The following MAP7D3 variants were observed in gnomAD, a reference collection of about 807,000 sequenced individuals.
MAP7D3 encodes the protein MAP7 domain-containing protein 3.
A neutral mutation model predicts 62.2 loss-of-function variants in MAP7D3; 45 were observed. The ratio of observed to expected loss-of-function variants is 0.72; its 90% confidence interval spans 0.57 to 0.93. The LOEUF (loss-of-function observed/expected upper bound fraction) is 0.93, where lower values mean the gene tolerates loss of function less well. Among genes scored for constraint, MAP7D3 ranks in the 40% least tolerant of loss-of-function variants. The pLI is 0.00. For synonymous variants in MAP7D3, 288 were observed against 248.8 expected (o/e 1.16, Z -1.48); for missense variants, 711 against 683.1 (o/e 1.04, Z -0.45).
intron 14 of MAP7D3, among the ~76,000 whole-genome samples, chrX:136,224,435 T>C (rs2074169808): frequency 9.7e-6 from 1 of 103,081 alleles, no homozygotes; most frequent in Non-Finnish European, 2.0e-5. Context: ...GCGTTTGAGG[T>C]GATGGATTTG....
chrX:136,246,814 G>A (rs1375557713), intron 1 of MAP7D3, among the ~76,000 whole-genome samples: 9 of 112,140 alleles, frequency 8.0e-5, no homozygotes, highest in African/African-American at 2.6e-4. Context: ...AATACTCAGT[G>A]AAAGATCAGG....
At position 136,236,244 on chromosome X, in the gene MAP7D3, C is replaced by T. The variant is rs865912308; in HGVS notation, c.736G>A (p.Val246Ile). The change falls in exon 7 of 19, where the codon GTT (valine) becomes ATT (isoleucine). Residue 246 changes from valine to isoleucine, a missense_variant and splice_region_variant. Physicochemically the swap from Val to Ile is conservative, Grantham distance 29 (BLOSUM62 3). Transcript: ENST00000316077. ...AAATTTGTATTTAGAAGTAACTAAC[C>T]ACGTGGCTTCCTTTCGGCTTGTTCT... ...DKEQAERKPR[V>I]TGVTNYVMQY... 7.9e-6 allele frequency: 9 copies of T among 1,134,600 alleles called. No individual in the cohort carries two copies. The African/African-American group carries it at 1.4e-4, about 18-fold the overall frequency. The allele number at this position is 1,134,600 out of a possible 1,213,427, so 93.5% of individuals were successfully genotyped here.
intron 11 of MAP7D3, among the ~76,000 whole-genome samples, chrX:136,228,027 T>C (rs956131857): frequency 2.7e-5 from 3 of 111,764 alleles, no homozygotes; most frequent in African/African-American, 9.8e-5. Flanking sequence ...CTGCAGCCAG[T>C]GGACAGAGGT....
At position 136,232,156 on chromosome X, in the gene MAP7D3, G is replaced by A. The variant is rs762828164; in HGVS notation, c.801C>T (p.Asp267=). ...TGGGAAACATAACAGCCCTCAATTC[G>A]TCGCTAGTACATTTACGCAAGGGTA... ...VTVPLRKCTS[D]ELRAVMFPMS... Residue 267 remains aspartate (D), a synonymous_variant, in exon 8 of 19, where the codon GAC becomes GAT. Transcript: ENST00000316077. 13 of 1,207,990 alleles carry A rather than the reference G, an allele frequency of 1.1e-5. No homozygotes were observed. The highest frequency in any genetic ancestry group is 4.3e-5 in the Admixed American group (2 of 46,032).
At position 136,230,586 on chromosome X, in the gene MAP7D3, T is replaced by A; in HGVS notation, c.1549A>T (p.Ile517Phe). 8.5e-7 allele frequency: 1 copy of A among 1,171,008 alleles called. No individual in the cohort carries two copies. The highest frequency in any genetic ancestry group is 3.0e-5 in the East Asian group (1 of 33,659). ...LPSPISTNRQ[I>F]QKNCPPSPLP... Reference sequence around the variant, plus strand: ...GGTGATGGAGGGCAGTTCTTTTGGATTTGCCTGCTGAGAAAAAGTAATACA... The same window carrying A: ...GGTGATGGAGGGCAGTTCTTTTGGAATTGCCTGCTGAGAAAAAGTAATACA... The change falls in exon 10 of 19, where the codon ATC (isoleucine) becomes TTC (phenylalanine). Residue 517 changes from isoleucine (I) to phenylalanine (F), a missense_variant. Coordinates refer to ENST00000316077, the MANE Select transcript of MAP7D3 (RefSeq NM_024597.4).
rs963140818 is a variant in MAP7D3, at chrX:136,222,427, G to A, written c.2253C>T (p.Ser751=). ...ACATTTCATTCAATGAGTCCTTGTC[G>A]CTTTCTTCGTTGTCAGCCTCAGCCT... ...YEEAEADNEE[S]DKDSLNEMFP... Residue 751 remains serine, a synonymous_variant, in exon 15 of 19, where the codon AGC becomes AGT. Coordinates refer to ENST00000316077, the MANE Select transcript of MAP7D3 (RefSeq NM_024597.4). 4.1e-6 allele frequency: 5 copies of A among 1,209,323 alleles called. No homozygotes were observed. The highest frequency in any genetic ancestry group is 5.6e-6 in the Non-Finnish European group (5 of 893,541).
intron 10 of MAP7D3, among the ~76,000 whole-genome samples, chrX:136,229,991 ATATTT>A (rs1196198431): frequency 1.4e-4 from 7 of 50,927 alleles, no homozygotes; most frequent in Middle Eastern, 0.016. Context: ...ATATATATAT[ATATTT>A]TTTTTTTTTT....
rs776340570 is a variant in MAP7D3 at position 136,240,272 on chromosome X, T to A, written c.640+110A>T. 12 of 505,996 alleles carry A rather than the reference T, an allele frequency of 2.4e-5. No individual in the cohort carries two copies. In the East Asian group the frequency reaches 3.6e-4, roughly 15 times the overall value. The allele number at this position is 505,996 out of a possible 1,213,427, so 41.7% of individuals were successfully genotyped here. On this transcript the variant is annotated intron_variant, in intron 6 of 18. Coordinates refer to ENST00000316077, the MANE Select transcript of MAP7D3 (RefSeq NM_024597.4). ...CTGCTGTAAAATAACATGGGACTCTTCTGAAATAAACATAAATGTTCCACA... is the reference window on the plus strand; with the variant it reads ...CTGCTGTAAAATAACATGGGACTCTACTGAAATAAACATAAATGTTCCACA...
chrX:136,246,609 A>G (rs956858419), intron 1 of MAP7D3, among the ~76,000 whole-genome samples: 11 of 112,277 alleles, frequency 9.8e-5, no homozygotes, highest in African/African-American at 2.9e-4. Flanking sequence ...CGGTGGCAGC[A>G]TAAGTTTGTG....
chrX:136,251,230 C>T (rs1603284955), intron 1 of MAP7D3, 59 bp downstream of exon 1: 3 of 1,012,877 alleles, frequency 3.0e-6, no homozygotes, highest in Non-Finnish European at 4.0e-6. Context: ...CCGGGGACTG[C>T]GGGAACCCTG....
At chrX:136,240,515 T>C (rs370063263) in intron 5 of MAP7D3, 29 bp from the exon 6 acceptor site, 9 of 942,690 alleles carry the variant, frequency 9.5e-6, no homozygotes, top group Non-Finnish European at 1.2e-5. Context: ...CTTACTGTAA[T>C]CATATTTCAA....
At chrX:136,255,631 C>T (rs947804216), upstream of MAP7D3, among the ~76,000 whole-genome samples, 1 of 110,656 alleles carries the variant, frequency 9.0e-6, no homozygotes, top group African/African-American at 3.3e-5. Context: ...CGAGACTGTA[C>T]ATTTCTGAGA....
intron 13 of MAP7D3, among the ~76,000 whole-genome samples, chrX:136,225,529 G>A (rs1258491687): frequency 8.9e-6 from 1 of 111,992 alleles, no homozygotes; most frequent in African/African-American, 3.2e-5. Flanking sequence ...GCCTCTCAAA[G>A]AGGCCTACAG....
chrX:136,241,201 G>T lies in MAP7D3; in HGVS notation c.494C>A (p.Ser165Ter). 8.4e-7 allele frequency: 1 copy of T among 1,190,884 alleles called. No individual in the cohort carries two copies. Among genetic ancestry groups the T allele is most frequent in the South Asian group, 1.8e-5 (1 of 55,165 alleles). ...LADDYQQKRWSWGGSAMANSE... is the reference protein window; with the variant it reads ...LADDYQQKRW ...ATTCGCCATTGCAGAGCCTCCCCAT[G>T]ACCATCTTTTTTGCTGATAATCATC... The change falls in exon 5 of 19, where the codon TCA (serine) becomes TAA (stop). Residue 165 changes from serine to a stop codon, truncating the protein, a stop_gained. Transcript: ENST00000316077. LOFTEE classifies it high-confidence loss of function.
At chrX:136,247,127 A>C (rs2074456717) in intron 1 of MAP7D3, among the ~76,000 whole-genome samples, 1 of 112,831 alleles carries the variant, frequency 8.9e-6, no homozygotes, top group South Asian at 3.6e-4. Flanking sequence ...ACAAACGTGT[A>C]AACAGGCAGA....
chrX:136,256,254 C>T (rs2074550797), upstream of MAP7D3: 1 of 1,151,026 alleles, frequency 8.7e-7, no homozygotes, highest in Non-Finnish European at 1.1e-6. Context: ...TCACATTTTC[C>T]TTCCTTTTCC....
At chrX:136,219,188 A>C (rs2074094934) in intron 18 of MAP7D3, among the ~76,000 whole-genome samples, 1 of 112,161 alleles carries the variant, frequency 8.9e-6, no homozygotes, top group Admixed American at 9.4e-5. Context: ...AATGTGGTAC[A>C]TAAAAATTAG....
chrX:136,229,993 A>ATATATATAT (rs1210531192), intron 10 of MAP7D3, among the ~76,000 whole-genome samples: 11 of 48,126 alleles, frequency 2.3e-4, no homozygotes, highest in Admixed American at 3.2e-4. Context: ...ATATATATAT[A>ATATATATAT]TTTTTTTTTT....
rs2074071290 is a variant in MAP7D3 at position 136,217,110 on chromosome X, T to C, written c.*1416A>G. Reference sequence around the variant, plus strand: ...AAAGGAACACTGGCCTGCTTCAGACTATTTACGATTCAACACTGAAAACTC... The same window carrying C: ...AAAGGAACACTGGCCTGCTTCAGACCATTTACGATTCAACACTGAAAACTC... On this transcript the variant is annotated 3_prime_UTR_variant, in exon 19 of 19. Transcript: ENST00000316077. The C allele has an allele frequency of 8.9e-6, 1 of 112,541 alleles. No homozygotes were observed. The highest frequency in any genetic ancestry group is 3.6e-4 in the South Asian group (1 of 2,746). 9.3% of individuals were successfully genotyped at this position (112,541 alleles called of 1,213,427 possible).
Sources: gnomAD v4.1 joint callset for allele counts (sites outside exome capture counted in the v4.1 genomes callset) on GRCh38, gnomAD v4.1.1 for gene constraint, MANE v1.5 for transcripts, NCBI Gene and HGNC (gene_info 2026-07-23, HGNC 2026-07-21) for gene names.